The following DIS3L2 variants were observed in gnomAD, a reference collection of about 807,000 sequenced individuals.
The protein encoded by DIS3L2 is DIS3-like exonuclease 2.
DIS3L2 carries 34 observed loss-of-function variants against 97.5 expected under a neutral mutation model. The observed-to-expected ratio is 0.35, with a 90% CI of 0.27 to 0.46. The LOEUF is 0.46. DIS3L2 is among the 20% of genes least tolerant of loss of function. The probability of loss-of-function intolerance (pLI) is 1.00; values close to 1 mark genes in which losing one functional copy is unlikely to be tolerated. For missense variants in DIS3L2, 1,038 were observed against 1,146.0 expected (o/e 0.91, Z 1.36); for synonymous variants, 435 against 445.2 (o/e 0.98, Z 0.29).
intron 6 of DIS3L2, among the ~76,000 whole-genome samples, chr2:232,113,137 G>A (rs1697589458): frequency 6.6e-6 from 1 of 152,102 alleles, no homozygotes; most frequent in Admixed American, 6.6e-5. Flanking sequence ...AGAAACTGGG[G>A]CATGGCTGGG....
rs1695935048 is a variant in DIS3L2, at chr2:232,336,107, C to T, written c.2496+233C>T. 2.6e-6 allele frequency: 4 copies of T among 1,543,536 alleles called. No homozygotes were observed. In the South Asian group the frequency reaches 4.8e-5, roughly 19 times the overall value. Reference sequence around the variant, plus strand: ...ACAGTGGAGAGAGGAGGGGCTCTGCCTGTCCCGCTAATGCAGGGGTGCTGG... The same window carrying T: ...ACAGTGGAGAGAGGAGGGGCTCTGCTTGTCCCGCTAATGCAGGGGTGCTGG... On this transcript the variant is annotated intron_variant, in intron 20 of 20. Coordinates refer to ENST00000325385, the MANE Select transcript of DIS3L2 (RefSeq NM_152383.5).
At chr2:232,265,477 G>A (rs1032352141) in intron 13 of DIS3L2, among the ~76,000 whole-genome samples, 10 of 152,154 alleles carry the variant, frequency 6.6e-5, no homozygotes, top group Non-Finnish European at 1.0e-4. Flanking sequence ...TCTGTAAAAC[G>A]CAGTGATCAG....
chr2:232,077,703 CA>C (rs1034745330), intron 5 of DIS3L2, among the ~76,000 whole-genome samples: 4 of 152,200 alleles, frequency 2.6e-5, no homozygotes, highest in African/African-American at 7.2e-5. Context: ...ATCCCATTTG[CA>C]GCATGCACTC....
At chr2:232,224,110 A>G (rs1692577384) in intron 10 of DIS3L2, among the ~76,000 whole-genome samples, 1 of 152,192 alleles carries the variant, frequency 6.6e-6, no homozygotes, top group Admixed American at 6.5e-5. Context: ...GAATTGTAGT[A>G]AGGGTTATGC....
intron 5 of DIS3L2, among the ~76,000 whole-genome samples, chr2:232,035,350 G>C (rs921163821): frequency 9.9e-5 from 15 of 151,936 alleles, no homozygotes; most frequent in African/African-American, 3.6e-4. Flanking sequence ...CCATTTGCTT[G>C]GTAAATATTC....
chr2:231,964,565 A>AT (rs1483781218), intron 1 of DIS3L2, among the ~76,000 whole-genome samples: 2 of 152,232 alleles, frequency 1.3e-5, no homozygotes, highest in African/African-American at 4.8e-5. Context: ...ACATGGTTGG[A>AT]TAACGACTTT....
intron 6 of DIS3L2, among the ~76,000 whole-genome samples, chr2:232,102,759 G>A (rs1205473507): frequency 3.9e-5 from 6 of 152,152 alleles, no homozygotes; most frequent in Admixed American, 1.3e-4. Context: ...CTACAGTTCG[G>A]TGTGGATTTC....
In DIS3L2 at chr2:232,186,786, C is replaced by T. The variant is rs566145211; in HGVS notation, c.1124+23154C>T. 4.6e-5 allele frequency among the ~76,000 whole-genome samples: 7 copies of T among 152,250 alleles called. No homozygotes were observed. In the South Asian group the frequency reaches 1.5e-3, roughly 32 times the overall value. On this transcript the variant is annotated intron_variant, in intron 9 of 20. Transcript: ENST00000325385. ...TCAAGACTGGTTCAACATTCAAAAC[C>T]AATTAATGTATCATGTGTACAAATT...
chr2:232,062,534 C>A (rs1426558220), intron 5 of DIS3L2, among the ~76,000 whole-genome samples: 1 of 152,092 alleles, frequency 6.6e-6, no homozygotes, highest in Admixed American at 6.5e-5. Flanking sequence ...TGGTAGCCCC[C>A]CAAGTTGATC....
chr2:231,972,205 TAAATAA>T (rs1235763534), intron 1 of DIS3L2, among the ~76,000 whole-genome samples: 1 of 151,280 alleles, frequency 6.6e-6, no homozygotes, highest in Non-Finnish European at 1.5e-5. Context: ...AAATAAAAAA[TAAATAA>T]AAATAAAAAA....
At chr2:232,125,290 G>A (rs534515787) in intron 6 of DIS3L2, among the ~76,000 whole-genome samples, 3 of 152,344 alleles carry the variant, frequency 2.0e-5, no homozygotes, top group South Asian at 2.1e-4. Context: ...TTCCAACATA[G>A]GAGCGAGCTC....
At chr2:232,315,019 C>T (rs1695231247) in intron 14 of DIS3L2, among the ~76,000 whole-genome samples, 1 of 152,230 alleles carries the variant, frequency 6.6e-6, no homozygotes, top group Non-Finnish European at 1.5e-5. Context: ...CAGGGGGAAG[C>T]CAGCTCTCTG....
intron 13 of DIS3L2, among the ~76,000 whole-genome samples, chr2:232,266,976 G>C (rs1693870324): frequency 6.6e-6 from 1 of 152,188 alleles, no homozygotes; most frequent in African/African-American, 2.4e-5. Flanking sequence ...CCGAATGAAT[G>C]GGGGCTGAGT....
chr2:232,037,467 G>T lies in DIS3L2; in HGVS notation c.366+7387G>T, dbSNP rs1694981985. Among the ~76,000 whole-genome samples the T allele has an allele frequency of 6.6e-6, 1 of 152,186 alleles. No individual in the cohort carries two copies. Among genetic ancestry groups the T allele is most frequent in the African/African-American group, 2.4e-5 (1 of 41,436 alleles). On this transcript the variant is annotated intron_variant, in intron 5 of 20. Transcript: ENST00000325385. This position sits in a 1 kb window ranked among gnomAD's most constrained non-coding sequence, Gnocchi z 4.6. ...TCAAACCAGTGGATCTTAGCTTGCT[G>T]GGCTCCATGAGGGTGGGATCCGCTG...
chr2:232,221,601 A>T (rs991881534), intron 10 of DIS3L2, among the ~76,000 whole-genome samples: 1 of 152,054 alleles, frequency 6.6e-6, no homozygotes, highest in East Asian at 1.9e-4. Flanking sequence ...GTCAGGAGTT[A>T]GAGACCAGCC....
intron 14 of DIS3L2, among the ~76,000 whole-genome samples, chr2:232,304,967 C>T (rs1045466435): frequency 1.7e-4 from 26 of 152,170 alleles, no homozygotes; most frequent in Non-Finnish European, 3.8e-4. Context: ...TCTGTTAATG[C>T]TGCATTGTAG....
intron 13 of DIS3L2, among the ~76,000 whole-genome samples, chr2:232,270,864 CTCTCT>C (rs1559185108): frequency 1.3e-3 from 27 of 20,794 alleles, no homozygotes; most frequent in African/African-American, 2.7e-3. Flanking sequence ...TTTCTCGTCT[CTCTCT>C]CTCTCTCTCT....
intron 8 of DIS3L2, among the ~76,000 whole-genome samples, chr2:232,138,499 A>G (rs1424229203): frequency 1.3e-5 from 2 of 152,158 alleles, no homozygotes; most frequent in African/African-American, 2.4e-5. Context: ...GAAATAAAAC[A>G]TGGTAGGTTT....
chr2:232,173,869 G>A (rs1277975857), intron 9 of DIS3L2, among the ~76,000 whole-genome samples: 2 of 152,204 alleles, frequency 1.3e-5, no homozygotes, highest in East Asian at 1.9e-4. Context: ...AAATTGAGAA[G>A]TGTGATTCTT....
Sources: gnomAD v4.1 joint callset for allele counts (sites outside exome capture counted in the v4.1 genomes callset) on GRCh38, gnomAD v4.1.1 for gene constraint, Gnocchi (gnomAD v3.1) non-coding constraint, MANE v1.5 for transcripts, NCBI Gene and HGNC (gene_info 2026-07-23, HGNC 2026-07-21) for gene names.